CAMK2B: variants seen among roughly 807,000 people sequenced by gnomAD.
CAMK2B encodes the protein calcium/calmodulin-dependent protein kinase type II subunit beta.
A neutral mutation model predicts 93.7 loss-of-function variants in CAMK2B; 27 were observed. The observed-to-expected ratio is 0.29, with a 90% CI of 0.21 to 0.40. The LOEUF is 0.40. CAMK2B is among the 10% of genes least tolerant of loss of function. The pLI, the probability that CAMK2B is intolerant of heterozygous loss-of-function variation, is 1.00. For missense variants in CAMK2B, 568 were observed against 895.8 expected (o/e 0.63, Z 4.67); for synonymous variants, 374 against 358.8 (o/e 1.04, Z -0.48).
At chr7:44,258,755 A>C in intron 4 of CAMK2B, 117 bp downstream of exon 4, 1 of 875,752 alleles carries the variant, frequency 1.1e-6, no homozygotes, top group Non-Finnish European at 1.9e-6. Context: ...AAGCACACTC[A>C]AGGGAGTGGC....
intron 4 of CAMK2B, among the ~76,000 whole-genome samples, chr7:44,255,594 C>T (rs1459936109): frequency 2.0e-5 from 3 of 152,208 alleles, no homozygotes; most frequent in East Asian, 1.9e-4. Context: ...CCCATCCCCC[C>T]GCCTGCTCCA....
chr7:44,219,918 G>A (rs890337631), intron 23 of CAMK2B, 142 bp downstream of exon 23: 19 of 697,932 alleles, frequency 2.7e-5, no homozygotes, highest in Admixed American at 1.4e-4. Context: ...CATCATTCCT[G>A]TGGCCTCACC....
chr7:44,307,991 A>G (rs1260896927), intron 1 of CAMK2B, among the ~76,000 whole-genome samples: 1 of 151,962 alleles, frequency 6.6e-6, no homozygotes, highest in Non-Finnish European at 1.5e-5. Context: ...GGGCCTCCCA[A>G]AGCGCTGGGA....
At chr7:44,226,898 G>A (rs1423670066) in intron 19 of CAMK2B, among the ~76,000 whole-genome samples, 1 of 41,578 alleles carries the variant, frequency 2.4e-5, no homozygotes, top group East Asian at 5.8e-4. Context: ...GACAGAGAGG[G>A]AAACGGGAAA....
intron 2 of CAMK2B, among the ~76,000 whole-genome samples, chr7:44,275,240 G>C (rs1562982418): frequency 6.6e-6 from 1 of 152,150 alleles, no homozygotes; most frequent in South Asian, 2.1e-4. Context: ...TCTTCCCCAG[G>C]GGTCATGGAG....
At chr7:44,229,607 C>CT (rs1487481743) in intron 17 of CAMK2B, 106 bp from the exon 18 acceptor site, 2 of 379,176 alleles carry the variant, frequency 5.3e-6, no homozygotes, top group Non-Finnish European at 9.4e-6. Flanking sequence ...GGGGTGACAG[C>CT]TGGATACCTG....
intron 1 of CAMK2B, among the ~76,000 whole-genome samples, chr7:44,304,811 G>T (rs554192510): frequency 1.3e-5 from 2 of 152,264 alleles, no homozygotes; most frequent in African/African-American, 4.8e-5. Flanking sequence ...ACTAATGCCA[G>T]ATGTTAACAA....
At chr7:44,316,310 C>T (rs202011249) in intron 1 of CAMK2B, among the ~76,000 whole-genome samples, 10 of 152,038 alleles carry the variant, frequency 6.6e-5, no homozygotes, top group South Asian at 2.1e-4. Flanking sequence ...GTTCTATCAA[C>T]GTGGTGTATT....
intron 1 of CAMK2B, among the ~76,000 whole-genome samples, chr7:44,292,246 C>T (rs992256740): frequency 1.3e-5 from 2 of 152,134 alleles, no homozygotes; most frequent in Non-Finnish European, 2.9e-5. Context: ...TCTCTGTGTC[C>T]AAGAACACCC....
At chr7:44,277,726 T>C (rs935153891) in intron 2 of CAMK2B, among the ~76,000 whole-genome samples, 1 of 151,878 alleles carries the variant, frequency 6.6e-6, no homozygotes. Context: ...ACCCTTGCTC[T>C]CTGGGTCCCC....
intron 2 of CAMK2B, among the ~76,000 whole-genome samples, chr7:44,275,294 C>T (rs1011257479): frequency 1.3e-5 from 2 of 152,196 alleles, no homozygotes; most frequent in Admixed American, 6.5e-5. Flanking sequence ...GGTTTTGGGA[C>T]TCGGTGTCTA....
intron 6 of CAMK2B, chr7:44,245,098 C>G (rs1344526219): frequency 5.0e-6 from 2 of 396,562 alleles, no homozygotes; most frequent in Non-Finnish European, 5.1e-6. Flanking sequence ...CATGTCCCCC[C>G]TCCCCAGAGG....
At chr7:44,310,959 T>C (rs764022642) in intron 1 of CAMK2B, among the ~76,000 whole-genome samples, 1 of 152,226 alleles carries the variant, frequency 6.6e-6, no homozygotes, top group Non-Finnish European at 1.5e-5. Flanking sequence ...TATGTATGTT[T>C]TACCTTAATA....
At chr7:44,289,695 A>G (rs545074547) in intron 1 of CAMK2B, among the ~76,000 whole-genome samples, 27 of 152,364 alleles carry the variant, frequency 1.8e-4, no homozygotes, top group African/African-American at 6.5e-4. Flanking sequence ...TCCGGCATCC[A>G]GAAAGAGCCG....
intron 1 of CAMK2B, among the ~76,000 whole-genome samples, chr7:44,290,114 C>T (rs1786361324): frequency 6.6e-6 from 1 of 152,224 alleles, no homozygotes; most frequent in Non-Finnish European, 1.5e-5. Flanking sequence ...CCCTCAGATT[C>T]CCAACAACAG....
chr7:44,228,812 G>A lies in CAMK2B; in HGVS notation c.1452C>T (p.Gly484=), dbSNP rs755903024. 21 of 1,520,614 alleles carry A rather than the reference G, an allele frequency of 1.4e-5. No individual in the cohort carries two copies. The highest frequency in any genetic ancestry group is 1.7e-5 in the Non-Finnish European group (19 of 1,139,192). 94.2% of individuals were successfully genotyped at this position (1,520,614 alleles called of 1,614,324 possible). A position where few individuals can be genotyped will look rare whatever the true frequency, so the allele number is the denominator to read the frequency against. Residue 484 remains glycine (G), a synonymous_variant, in exon 19 of 24, where the codon GGC becomes GGT. Coordinates refer to ENST00000395749, the MANE Select transcript of CAMK2B (RefSeq NM_001220.5). ...PPPCLSPALL[G]PLSSPSPRIS... The stretch of plus-strand genomic sequence containing the variant: ...ACTACTTACACGGGGAGGACAGGGG[G>A]CCTAGGAGAGCCGGAGACAGGCAGG...
intron 4 of CAMK2B, among the ~76,000 whole-genome samples, chr7:44,256,070 A>G (rs534513404): frequency 6.6e-6 from 1 of 152,284 alleles, no homozygotes; most frequent in East Asian, 1.9e-4. Context: ...GTCCCCGACC[A>G]GCACCTGGCA....
At chr7:44,238,250 T>A (rs1303614461) in intron 13 of CAMK2B, among the ~76,000 whole-genome samples, 2 of 152,150 alleles carry the variant, frequency 1.3e-5, no homozygotes, top group Non-Finnish European at 2.9e-5. Context: ...ACAGAGCTGC[T>A]CTCGGCGCCC....
intron 1 of CAMK2B, among the ~76,000 whole-genome samples, chr7:44,287,894 T>C (rs1398327326): frequency 1.3e-5 from 2 of 152,182 alleles, no homozygotes; most frequent in South Asian, 2.1e-4. Flanking sequence ...CTTTTGCCAC[T>C]CCCCCTTCCA....
Sources: gnomAD v4.1 joint callset for allele counts (sites outside exome capture counted in the v4.1 genomes callset) on GRCh38, gnomAD v4.1.1 for gene constraint, MANE v1.5 for transcripts, NCBI Gene and HGNC (gene_info 2026-07-23, HGNC 2026-07-21) for gene names.